The following FIRRM variants were observed in gnomAD, a reference collection of about 807,000 sequenced individuals.
FIRRM encodes the protein FIGNL1 interacting regulator of recombination and mitosis.
chr1:169,794,925 G>A, the FIRRM span: 2 of 602,096 alleles, frequency 3.3e-6, no homozygotes, highest in Non-Finnish European at 5.9e-6. Flanking sequence ...GTCCTCCAGG[G>A]GCTAGAGAAG....
chr1:169,849,419 G>A, the FIRRM span: 1 of 996,468 alleles, frequency 1.0e-6, no homozygotes. Flanking sequence ...TGACAACACT[G>A]GGCTTATTGA....
the FIRRM span, chr1:169,823,345 A>G: frequency 1.1e-6 from 1 of 914,604 alleles, no homozygotes; most frequent in Non-Finnish European, 1.7e-6. Context: ...TACCTTTGTG[A>G]GATTATATGT....
the FIRRM span, among the ~76,000 whole-genome samples, chr1:169,790,475 C>A: frequency 6.6e-6 from 1 of 152,080 alleles, no homozygotes; most frequent in African/African-American, 2.4e-5. Context: ...TGTGAGCCAC[C>A]ATGCCTGGCC....
chr1:169,817,450 T>C, the FIRRM span, among the ~76,000 whole-genome samples: 1 of 152,216 alleles, frequency 6.6e-6, no homozygotes, highest in Non-Finnish European at 1.5e-5. Context: ...TATATAACAA[T>C]TATAGTATAC....
the FIRRM span, chr1:169,827,981 A>G: frequency 2.6e-6 from 2 of 775,520 alleles, no homozygotes; most frequent in Non-Finnish European, 4.1e-6. Context: ...ACACACATAT[A>G]TATTGCTACT....
chr1:169,831,343 A>AT, the FIRRM span, among the ~76,000 whole-genome samples: 2 of 151,830 alleles, frequency 1.3e-5, no homozygotes, highest in Admixed American at 6.6e-5. Flanking sequence ...TTTGTTACAT[A>AT]TTTTTTTCCC....
the FIRRM span, chr1:169,795,856 C>T: frequency 1.0e-6 from 1 of 985,206 alleles, no homozygotes; most frequent in African/African-American, 1.7e-5. Flanking sequence ...AGAGTTCTTC[C>T]GCTTGTTGTT....
chr1:169,846,511 T>G, the FIRRM span, among the ~76,000 whole-genome samples: 1 of 152,192 alleles, frequency 6.6e-6, no homozygotes, highest in Admixed American at 6.5e-5. Context: ...ATGCAACCAC[T>G]TCCATCAGTG....
At chr1:169,793,529 G>A in the FIRRM span, 1 of 1,614,148 alleles carries the variant, frequency 6.2e-7, no homozygotes, top group Non-Finnish European at 8.5e-7. Context: ...GTGATCCTGA[G>A]GCAAGTCAAA....
At chr1:169,804,262 C>A in the FIRRM span, 1 of 1,438,552 alleles carries the variant, frequency 7.0e-7, no homozygotes, top group South Asian at 1.7e-5. Context: ...AAACTTTCTG[C>A]TTAGTATATG....
chr1:169,827,042 C>G, the FIRRM span: 1 of 1,605,338 alleles, frequency 6.2e-7, no homozygotes, highest in Non-Finnish European at 8.5e-7. Flanking sequence ...TTTTTCTCTC[C>G]CTTCCCAGCA....
chr1:169,801,597 C>CAAAAAAAA, the FIRRM span, among the ~76,000 whole-genome samples: 7 of 124,424 alleles, frequency 5.6e-5, no homozygotes, highest in Non-Finnish European at 8.5e-5. Context: ...ACCCTTAATT[C>CAAAAAAAA]AAAAAAAAAA....
the FIRRM span, chr1:169,795,373 T>C: frequency 7.1e-7 from 1 of 1,412,180 alleles, no homozygotes; most frequent in Non-Finnish European, 9.3e-7. Flanking sequence ...AGTGAGGGAC[T>C]GGAGGGGAAG....
chr1:169,830,303 C>G, the FIRRM span: 115 of 1,613,670 alleles, frequency 7.1e-5, 1 homozygote, highest in South Asian at 1.2e-3. Flanking sequence ...ATATGATCAC[C>G]TCTTTGTTAG....
the FIRRM span, chr1:169,795,108 T>G: frequency 3.9e-6 from 6 of 1,535,734 alleles, no homozygotes; most frequent in Non-Finnish European, 5.2e-6. Flanking sequence ...AAAGTATGTC[T>G]CAGGAAGGTG....
At chr1:169,831,380 T>C in the FIRRM span, among the ~76,000 whole-genome samples, 3 of 152,216 alleles carry the variant, frequency 2.0e-5, no homozygotes, top group Non-Finnish European at 4.4e-5. Flanking sequence ...ATGTGGGCCA[T>C]ACATCTTTTG....
chr1:169,799,041 A>G, the FIRRM span: 1 of 497,396 alleles, frequency 2.0e-6, no homozygotes, highest in East Asian at 3.4e-5. Flanking sequence ...GTGTTCTTAC[A>G]GTTTTGTATT....
chr1:169,828,220 G>T, the FIRRM span, among the ~76,000 whole-genome samples: 1 of 152,074 alleles, frequency 6.6e-6, no homozygotes, highest in Non-Finnish European at 1.5e-5. Flanking sequence ...TGCCAACACC[G>T]TAGTCCAGGC....
chr1:169,852,614 C>CA, the FIRRM span: 1 of 634,740 alleles, frequency 1.6e-6, no homozygotes, highest in South Asian at 2.0e-5. Flanking sequence ...TATGATAAAC[C>CA]AAAATGCCTT....
Sources: gnomAD v4.1 joint callset for allele counts (sites outside exome capture counted in the v4.1 genomes callset) on GRCh38, gnomAD v4.1.1 for gene constraint, MANE v1.5 for transcripts, NCBI Gene and HGNC (gene_info 2026-07-23, HGNC 2026-07-21) for gene names.